Variants in AHRR observed in about 807,000 individuals in gnomAD.
AHRR encodes the protein ahR repressor.
A neutral mutation model predicts 44.0 loss-of-function variants in AHRR; 28 were observed. That is an observed-to-expected ratio of 0.64 (90% CI 0.47 to 0.87). The LOEUF (loss-of-function observed/expected upper bound fraction) is 0.87, where lower values mean the gene tolerates loss of function less well. Among genes scored for constraint, AHRR ranks in the 40% least tolerant of loss-of-function variants. AHRR has a pLI of 0.00. For synonymous variants in AHRR, 434 were observed against 407.0 expected, an observed-to-expected ratio of 1.07 and a Z score of -0.80; for missense variants, 990 against 953.9, an observed-to-expected ratio of 1.04 and a Z score of -0.50.
chr5:392,923 G>A (rs979313564), intron 4 of AHRR, among the ~76,000 whole-genome samples: 1 of 151,902 alleles, frequency 6.6e-6, no homozygotes, highest in Non-Finnish European at 1.5e-5. Flanking sequence ...GCCTCTTGCA[G>A]GTGACGGGTC....
chr5:364,235 A>G (rs909328982), intron 3 of AHRR, among the ~76,000 whole-genome samples: 7 of 152,250 alleles, frequency 4.6e-5, no homozygotes, highest in African/African-American at 1.7e-4. Flanking sequence ...TTAAAGGAGA[A>G]TATTAAACAT....
chr5:380,885 A>T lies in AHRR; in HGVS notation c.351+4169A>T, dbSNP rs534938879. ...TGTCTGCAAGCTGGAGAACCAGAGA[A>T]GCTGGTAGTGTGGCTCAGTCCAAGT... On this transcript the variant is annotated intron_variant, in intron 4 of 10. Coordinates refer to ENST00000684583, the MANE Select transcript of AHRR (RefSeq NM_001377236.1). Among the ~76,000 whole-genome samples the T allele has an allele frequency of 3.3e-5, 5 of 152,336 alleles. No homozygotes were observed. The East Asian group carries it at 9.7e-4, about 29-fold the overall frequency.
Position 434,008 on chromosome 5 carries a change from C to G in AHRR, c.1268C>G (p.Pro423Arg). The change falls in exon 11 of 11, where the codon CCG (proline) becomes CGG (arginine). Residue 423 changes from proline to arginine, a missense_variant. By Grantham distance (103) the Pro-to-Arg change is moderately radical (BLOSUM62 -2). Transcript: ENST00000684583. ...AGGCTGCAGCCCAGCAAGAATGACC[C>G]GCCCTCCCTGCGCCCCATGCCCCGC... ...RPRLQPSKND[P>R]PSLRPMPRGS... 1 of 1,580,340 alleles carries G rather than the reference C, an allele frequency of 6.3e-7. No homozygotes were observed. The highest frequency in any genetic ancestry group is 8.6e-7 in the Non-Finnish European group (1 of 1,164,990).
intron 1 of AHRR, among the ~76,000 whole-genome samples, chr5:340,689 T>TATATATATATATATATATATATTTA (rs1491423678): frequency 5.7e-5 from 1 of 17,414 alleles, no homozygotes; most frequent in African/African-American, 2.6e-4. Flanking sequence ...TATATATATA[T>TATATATATATATATATATATATTTA]TTTTTTTTTT....
rs367846514 is a variant in AHRR, at chr5:343,970, G to T, written c.62+6G>T. ...AGGAGGCCCCTGCAGAAACAGTAAA[G>T]TATCCCGCCTTCTGCTTGTGTGGGT... On this transcript the variant is annotated splice_donor_region_variant and intron_variant, in intron 2 of 10. Transcript: ENST00000684583. The T allele has an allele frequency of 6.3e-7, 1 of 1,595,836 alleles. No individual in the cohort carries two copies.
chr5:373,378 G>A (rs1489774021), intron 3 of AHRR, among the ~76,000 whole-genome samples: 1 of 152,254 alleles, frequency 6.6e-6, no homozygotes, highest in Non-Finnish European at 1.5e-5. Flanking sequence ...AGCAGGCCGG[G>A]CGGTGGCTGG....
At chr5:430,302 C>T (rs1050653939) in intron 8 of AHRR, among the ~76,000 whole-genome samples, 2 of 152,272 alleles carry the variant, frequency 1.3e-5, no homozygotes, top group African/African-American at 2.4e-5. Context: ...CCCTCCTGTT[C>T]TTTGGCGCCT....
Position 434,089 on chromosome 5 carries a change from C to G in AHRR, c.1349C>G (p.Ser450Cys). The G allele has an allele frequency of 5.6e-6, 9 of 1,612,938 alleles. No homozygotes were observed. The highest frequency in any genetic ancestry group is 7.6e-6 in the Non-Finnish European group (9 of 1,179,956). Residue 450 changes from serine to cysteine, a missense_variant, in exon 11 of 11, where the codon TCT becomes TGT. Ser to Cys is a moderately radical substitution (Grantham distance 112). Coordinates refer to ENST00000684583, the MANE Select transcript of AHRR (RefSeq NM_001377236.1). ...VQGTFRNSPI[S>C]HPPSPSPSAY... ...GGCACTTTCAGGAACTCGCCCATCT[C>G]TCACCCGCCGAGCCCGTCCCCCAGT...
chr5:366,092 C>T (rs949000268), intron 3 of AHRR, among the ~76,000 whole-genome samples: 1 of 146,986 alleles, frequency 6.8e-6, no homozygotes. Context: ...CACACACTGT[C>T]CACTGAGAGA....
chr5:342,051 A>G lies in AHRR; in HGVS notation c.-10-1842A>G, dbSNP rs1365002046. 6.6e-6 allele frequency among the ~76,000 whole-genome samples: 1 copy of G among 152,178 alleles called. No homozygotes were observed. The highest frequency in any genetic ancestry group is 1.5e-5 in the Non-Finnish European group (1 of 68,016). On this transcript the variant is annotated intron_variant, in intron 1 of 10. Coordinates refer to ENST00000684583, the MANE Select transcript of AHRR (RefSeq NM_001377236.1). The surrounding 1 kb of genome is among the most constrained non-coding windows in gnomAD (Gnocchi z 4.3). ...TAGTTTAATTCCATTATGTCAAATA[A>G]CATACTTTGATTTCTGTTTTTAAAA... is the stretch of plus-strand genomic sequence containing the variant.
chr5:376,641 G>T lies in AHRR; in HGVS notation c.276G>T (p.Ala92=). Reference sequence around the variant, plus strand: ...AGGAGCAGAGCTCACGGCAGCCTGCGGCCGGCGCCCCCTCGCCCGGAGACA... The same window carrying T: ...AGGAGCAGAGCTCACGGCAGCCTGCTGCCGGCGCCCCCTCGCCCGGAGACA... ...VVQEQSSRQP[A]AGAPSPGDSC... The change falls in exon 4 of 11, where the codon GCG becomes GCT. Residue 92 remains alanine, a synonymous_variant. Coordinates refer to ENST00000684583, the MANE Select transcript of AHRR (RefSeq NM_001377236.1). 9.0e-7 allele frequency: 1 copy of T among 1,108,362 alleles called. No individual in the cohort carries two copies. Among genetic ancestry groups the T allele is most frequent in the South Asian group, 1.9e-5 (1 of 52,424 alleles). The allele number at this position is 1,108,362 out of a possible 1,614,324, so 68.7% of individuals were successfully genotyped here.
intron 8 of AHRR, among the ~76,000 whole-genome samples, chr5:430,613 C>T (rs909294255): frequency 6.6e-6 from 1 of 152,274 alleles, no homozygotes; most frequent in African/African-American, 2.4e-5. Context: ...TCACCTTTGA[C>T]CTCTTTCAGA....
rs879162080 is a variant in AHRR at position 392,257 on chromosome 5, G to A, written c.351+15541G>A. 4.2e-4 allele frequency among the ~76,000 whole-genome samples: 34 copies of A among 80,598 alleles called. No homozygotes were observed. The South Asian group carries it at 0.014, about 34-fold the overall frequency. The allele number at this position is 80,598 out of a possible 152,430, so 52.9% of individuals were successfully genotyped here. On this transcript the variant is annotated intron_variant, in intron 4 of 10. Transcript: ENST00000684583. ...GCGATGAGGGCGCAGGGCGAGGCAG[G>A]GCCAGAGCGTGCACGGGCGCAGGGC...
At chr5:433,720 AGGGGTC>A in intron 10 of AHRR, 127 bp from the exon 11 acceptor site, 1 of 1,071,444 alleles carries the variant, frequency 9.3e-7, no homozygotes, top group Non-Finnish European at 1.2e-6. Flanking sequence ...CAGCGCAGTG[AGGGGTC>A]GGTGTAGCAG....
At chr5:398,119 CGTAGCTCCTGACCGTCCA>C (rs1734834301) in intron 4 of AHRR, among the ~76,000 whole-genome samples, 2 of 115,412 alleles carry the variant, frequency 1.7e-5, no homozygotes, top group African/African-American at 1.1e-4. Flanking sequence ...TGACCATCCA[CGTAGCTCCTGACCGTCCA>C]TGTTAGCCCC....
At chr5:391,441 G>A (rs57892764) in intron 4 of AHRR, among the ~76,000 whole-genome samples, 1 of 109,800 alleles carries the variant, frequency 9.1e-6, no homozygotes, top group Admixed American at 8.4e-5. Context: ...GGCGAGGCGG[G>A]CGCAGGGCGA....
At chr5:336,633 T>C (rs761443377) in intron 1 of AHRR, among the ~76,000 whole-genome samples, 1 of 151,356 alleles carries the variant, frequency 6.6e-6, no homozygotes, top group Non-Finnish European at 1.5e-5. Context: ...GACACAAAAA[T>C]TTTTAGTTTT....
chr5:407,430 C>T (rs2672746), intron 4 of AHRR, among the ~76,000 whole-genome samples: 30,560 of 152,080 alleles, frequency 0.2, 4,962 homozygotes, highest in African/African-American at 0.45. Context: ...TTTTTGTAAA[C>T]GGGGCTTTCT....
intron 4 of AHRR, among the ~76,000 whole-genome samples, chr5:403,507 A>C (rs565607030): frequency 2.6e-5 from 4 of 152,012 alleles, no homozygotes; most frequent in African/African-American, 4.8e-5. Context: ...GTGGTGGCGC[A>C]TGCCTGTAAT....
Sources: gnomAD v4.1 joint callset for allele counts (sites outside exome capture counted in the v4.1 genomes callset) on GRCh38, gnomAD v4.1.1 for gene constraint, Gnocchi (gnomAD v3.1) non-coding constraint, MANE v1.5 for transcripts, NCBI Gene and HGNC (gene_info 2026-07-23, HGNC 2026-07-21) for gene names.